Variants in FRAS1 observed in about 807,000 individuals in gnomAD.
The protein encoded by FRAS1 is extracellular matrix organizing protein FRAS1.
In FRAS1, 290 loss-of-function variants were observed where a neutral mutation model predicts 435.2. The ratio of observed to expected loss-of-function variants is 0.67; its 90% CI spans 0.61 to 0.73. The LOEUF (loss-of-function observed/expected upper bound fraction) is 0.73. Among genes scored for constraint, FRAS1 ranks in the 30% least tolerant of loss-of-function variants. The pLI, the probability that FRAS1 is intolerant of heterozygous loss-of-function variation, is 0.00. For synonymous variants in FRAS1, 1,800 were observed against 1,851.0 expected, an observed-to-expected ratio of 0.97 and a Z score of 0.71; for missense variants, 4,860 against 5,001.5, an observed-to-expected ratio of 0.97 and a Z score of 0.85.
intron 31 of FRAS1, among the ~76,000 whole-genome samples, chr4:78,411,108 AT>A (rs369399937): frequency 7.0e-6 from 1 of 142,858 alleles, no homozygotes; most frequent in Non-Finnish European, 1.5e-5. Context: ...AGTTGCATGG[AT>A]TTTTTTTCTT....
intron 65 of FRAS1, among the ~76,000 whole-genome samples, chr4:78,515,152 G>T (rs2029914): frequency 6.6e-6 from 1 of 151,592 alleles, no homozygotes; most frequent in Non-Finnish European, 1.5e-5. Context: ...CCTTAATTTA[G>T]AGCCATTCAT....
intron 40 of FRAS1, among the ~76,000 whole-genome samples, chr4:78,440,188 G>A (rs959191089): frequency 3.3e-5 from 5 of 151,076 alleles, no homozygotes; most frequent in Admixed American, 1.3e-4. Flanking sequence ...CCGCCACCGC[G>A]CCCGGCTAAT....
intron 2 of FRAS1, among the ~76,000 whole-genome samples, chr4:78,151,551 G>A (rs1017835270): frequency 6.6e-6 from 1 of 152,128 alleles, no homozygotes; most frequent in Admixed American, 6.6e-5. Context: ...CATCATTTTG[G>A]TAGGGAATTT....
chr4:78,410,810 T>G (rs868579997), intron 31 of FRAS1, among the ~76,000 whole-genome samples: 3 of 152,362 alleles, frequency 2.0e-5, no homozygotes, highest in Middle Eastern at 3.4e-3. Flanking sequence ...TTTTGAACAC[T>G]GACAGCATCT....
chr4:78,539,338 G>T lies in FRAS1; in HGVS notation c.11343G>T (p.Val3781=). 2 of 1,613,000 alleles carry T rather than the reference G, an allele frequency of 1.2e-6. No individual in the cohort carries two copies. The highest frequency in any genetic ancestry group is 1.7e-6 in the Non-Finnish European group (2 of 1,179,520). Residue 3781 remains valine, a synonymous_variant, in exon 73 of 74, where the codon GTG becomes GTT. Coordinates refer to ENST00000512123, the MANE Select transcript of FRAS1 (RefSeq NM_025074.7). Reference sequence around the variant, plus strand: ...TAACTGATAAGTACTTCCATGATGTGCCTTTTGAGGCTCACTTTGCCTCTG... The same window carrying T: ...TAACTGATAAGTACTTCCATGATGTTCCTTTTGAGGCTCACTTTGCCTCTG... ...PEVTDKYFHD[V]PFEAHFASEL...
At chr4:78,063,192 G>C (rs1739835975) in intron 1 of FRAS1, among the ~76,000 whole-genome samples, 1 of 152,180 alleles carries the variant, frequency 6.6e-6, no homozygotes, top group Non-Finnish European at 1.5e-5. Flanking sequence ...TTAGTGAAAA[G>C]ACCTCCACTC....
intron 31 of FRAS1, among the ~76,000 whole-genome samples, chr4:78,411,632 C>T (rs1371144659): frequency 1.3e-5 from 2 of 152,114 alleles, no homozygotes; most frequent in South Asian, 2.1e-4. Context: ...TTTGACACAG[C>T]CTTAGGAAAT....
At chr4:78,450,442 C>A in intron 45 of FRAS1, 103 bp downstream of exon 45, 3 of 932,442 alleles carry the variant, frequency 3.2e-6, no homozygotes, top group Non-Finnish European at 5.2e-6. Flanking sequence ...ACTGTGCACT[C>A]TTTGTTTTGA....
chr4:78,432,538 C>T lies in FRAS1; in HGVS notation c.5151C>T (p.Ser1717=). 1.2e-6 allele frequency: 2 copies of T among 1,612,918 alleles called. No individual in the cohort carries two copies. The highest frequency in any genetic ancestry group is 8.5e-7 in the Non-Finnish European group (1 of 1,179,482). The part of the protein sequence containing the change: ...EDRGPRLAAG[S]SLSITVASKS... ...GAGGGCCTCGACTGGCTGCTGGCTC[C>T]TCTCTGAGCATTACTGTTGCCAGTA... is the stretch of plus-strand genomic sequence containing the variant. Residue 1717 remains serine (S), a synonymous_variant, in exon 38 of 74, where the codon TCC becomes TCT. Coordinates refer to ENST00000512123, the MANE Select transcript of FRAS1 (RefSeq NM_025074.7).
Position 78,537,007 on chromosome 4 carries a change from A to C in FRAS1, c.11105A>C (p.Tyr3702Ser). 1 of 1,613,818 alleles carries C rather than the reference A, an allele frequency of 6.2e-7. No homozygotes were observed. The highest frequency in any genetic ancestry group is 8.5e-7 in the Non-Finnish European group (1 of 1,179,748). Residue 3702 changes from tyrosine to serine, a missense_variant, in exon 72 of 74, where the codon TAT (tyrosine) becomes TCT (serine). Physicochemically the swap from Tyr to Ser is moderately radical, Grantham distance 144 (BLOSUM62 -2). Transcript: ENST00000512123. Reference sequence around the variant, plus strand: ...TCAATCTTTTCAGGTCAAATCCTTTATGGCCGAGTACTTTGGAATCCAGAA... The same window carrying C: ...TCAATCTTTTCAGGTCAAATCCTTTCTGGCCGAGTACTTTGGAATCCAGAA... ...KGAFSKGQILYGRVLWNPEQN... is the reference protein window; with the variant it reads ...KGAFSKGQILSGRVLWNPEQN...
chr4:78,205,956 G>C (rs62309967), intron 2 of FRAS1, among the ~76,000 whole-genome samples: 41,259 of 151,858 alleles, frequency 0.27, 6,313 homozygotes, highest in Admixed American at 0.34. Context: ...TTCATCCACT[G>C]TATGCAGAAT....
rs9684976 is a variant in FRAS1, at chr4:78,275,027, G to A, written c.982-3628G>A. Reference sequence around the variant, plus strand: ...ATTGGGTTCATATATATTTAGGATAGTTAGCTCTTCTTGTTGAATTGATCC... The same window carrying A: ...ATTGGGTTCATATATATTTAGGATAATTAGCTCTTCTTGTTGAATTGATCC... On this transcript the variant is annotated intron_variant, in intron 9 of 73. Transcript: ENST00000512123. Among the ~76,000 whole-genome samples the A allele has an allele frequency of 5.3e-5, 8 of 152,290 alleles. No individual in the cohort carries two copies. The East Asian group carries it at 9.6e-4, about 18-fold the overall frequency.
At chr4:78,421,485 C>T (rs965490993) in intron 33 of FRAS1, among the ~76,000 whole-genome samples, 6 of 152,152 alleles carry the variant, frequency 3.9e-5, no homozygotes, top group African/African-American at 1.2e-4. Flanking sequence ...GCAGCTGATT[C>T]GATGGTGTCC....
At position 78,513,449 on chromosome 4, in the gene FRAS1, C is replaced by G; in HGVS notation, c.10071C>G (p.Thr3357=). 1 of 1,613,934 alleles carries G rather than the reference C, an allele frequency of 6.2e-7. No individual in the cohort carries two copies. The highest frequency in any genetic ancestry group is 8.5e-7 in the Non-Finnish European group (1 of 1,179,832). Residue 3357 remains threonine, a synonymous_variant, in exon 65 of 74, where the codon ACC becomes ACG. Coordinates refer to ENST00000512123, the MANE Select transcript of FRAS1 (RefSeq NM_025074.7). ...ATGGAATGCTGCCCCTTATCTCCAC[C>G]ATGCCGTTGCACAACTTACATTTTC... ...HQDGMLPLIS[T]MPLHNLHFLL...
chr4:78,072,702 T>C (rs920608394), intron 2 of FRAS1, among the ~76,000 whole-genome samples: 1 of 152,210 alleles, frequency 6.6e-6, no homozygotes, highest in Admixed American at 6.5e-5. Flanking sequence ...AAATTCATCA[T>C]TTTTTATGCC....
intron 52 of FRAS1, among the ~76,000 whole-genome samples, chr4:78,472,647 G>A (rs999146187): frequency 6.6e-6 from 1 of 152,032 alleles, no homozygotes; most frequent in African/African-American, 2.4e-5. Context: ...ATAACAACAA[G>A]AAAGCAAAAA....
chr4:78,105,718 T>C (rs769992138), intron 2 of FRAS1, among the ~76,000 whole-genome samples: 12 of 151,832 alleles, frequency 7.9e-5, no homozygotes, highest in Non-Finnish European at 1.2e-4. Flanking sequence ...AGTGAATAAA[T>C]TGTGAAATGT....
intron 2 of FRAS1, among the ~76,000 whole-genome samples, chr4:78,221,996 C>A (rs543189734): frequency 1.3e-5 from 2 of 152,256 alleles, no homozygotes; most frequent in African/African-American, 4.8e-5. Context: ...AGAACTTTCC[C>A]TGTTAACAGT....
chr4:78,207,112 A>G (rs1346860132), intron 2 of FRAS1, among the ~76,000 whole-genome samples: 2 of 152,216 alleles, frequency 1.3e-5, no homozygotes, highest in South Asian at 2.1e-4. Flanking sequence ...TAAAACCTTC[A>G]TTGAGAAATG....
Sources: allele counts gnomAD v4.1 joint callset (sites outside exome capture counted in the v4.1 genomes callset), GRCh38; gene constraint gnomAD v4.1.1; transcripts MANE v1.5; gene names NCBI Gene and HGNC (gene_info 2026-07-23, HGNC 2026-07-21).